OARD1: variants seen among roughly 807,000 people sequenced by gnomAD.
The protein encoded by OARD1 is ADP-ribose glycohydrolase OARD1.
A neutral mutation model predicts 19.7 loss-of-function variants in OARD1; 19 were observed. That is an observed-to-expected ratio of 0.96 (90% confidence interval 0.67 to 1.41). OARD1 has a LOEUF of 1.41. Ranked by LOEUF, OARD1 falls within the 40% of genes most tolerant of loss-of-function variation. The probability of loss-of-function intolerance (pLI) is 0.00; values close to 1 mark genes in which losing one functional copy is unlikely to be tolerated. For missense variants in OARD1, 190 were observed against 183.8 expected, an observed-to-expected ratio of 1.03 and a Z score of -0.20; for synonymous variants, 70 against 61.8, an observed-to-expected ratio of 1.13 and a Z score of -0.62.
chr6:41,083,176 C>T (rs2113799196), intron 1 of OARD1, among the ~76,000 whole-genome samples: 1 of 152,262 alleles, frequency 6.6e-6, no homozygotes, highest in South Asian at 2.1e-4. Flanking sequence ...TTCCAGAAAG[C>T]ATTCTATTAG....
chr6:41,090,173 G>A (rs2113812720), intron 1 of OARD1: 1 of 1,417,122 alleles, frequency 7.1e-7, no homozygotes, highest in South Asian at 1.2e-5. Flanking sequence ...TTTGGGATCT[G>A]TTGAATTGTG....
intron 4 of OARD1, chr6:41,069,851 C>T: frequency 3.3e-6 from 2 of 597,400 alleles, no homozygotes; most frequent in Non-Finnish European, 3.0e-6. Flanking sequence ...CACGACTTTC[C>T]CACAGAGCTG....
At position 41,071,595 on chromosome 6, in the gene OARD1, C is replaced by T; in HGVS notation, c.39+1G>A. 2.5e-6 allele frequency: 4 copies of T among 1,612,352 alleles called. No individual in the cohort carries two copies. Among genetic ancestry groups the T allele is most frequent in the Non-Finnish European group, 3.4e-6 (4 of 1,178,314 alleles). Reference sequence around the variant, plus strand: ...CCAATAAGTCAATAGTTGTTACGCACTCTGCTTCCTTCTGGATCTTCATTA... The same window carrying T: ...CCAATAAGTCAATAGTTGTTACGCATTCTGCTTCCTTCTGGATCTTCATTA... On this transcript the variant is annotated splice_donor_variant, in intron 2 of 5. Coordinates refer to ENST00000424266, the MANE Select transcript of OARD1 (RefSeq NM_001329686.2). LOFTEE classifies it high-confidence loss of function.
intron 1 of OARD1, chr6:41,079,018 C>T: frequency 7.2e-7 from 1 of 1,387,906 alleles, no homozygotes; most frequent in Non-Finnish European, 1.0e-6. Context: ...CTTTCCCCAC[C>T]TTTCTAACAG....
chr6:41,070,120 C>T lies in OARD1; in HGVS notation c.199G>A (p.Glu67Lys), dbSNP rs780238682. The T allele has an allele frequency of 1.9e-6, 3 of 1,574,170 alleles. No individual in the cohort carries two copies. Among genetic ancestry groups the T allele is most frequent in the Non-Finnish European group, 2.6e-6 (3 of 1,148,722 alleles). ...CCATCTCTCTTCAGAACAGCCACTT[C>T]TCCAGATTTCTTTTCTAAGAAAAAG... is the stretch of plus-strand genomic sequence containing the variant. ...ELLNQQKKSG[E>K]VAVLKRDGRY... The change falls in exon 4 of 6, where the codon GAA (glutamate) becomes AAA (lysine). Residue 67 changes from glutamate (E) to lysine (K), a missense_variant. Glu to Lys is a moderately conservative substitution (Grantham distance 56, BLOSUM62 1). Coordinates refer to ENST00000424266, the MANE Select transcript of OARD1 (RefSeq NM_001329686.2).
chr6:41,096,229 G>C (rs1764352420), intron 1 of OARD1, among the ~76,000 whole-genome samples: 1 of 152,074 alleles, frequency 6.6e-6, no homozygotes, highest in Non-Finnish European at 1.5e-5. Context: ...ATCAAACTAG[G>C]TTTCCTCAGT....
chr6:41,094,450 G>A, intron 1 of OARD1: 1 of 1,614,206 alleles, frequency 6.2e-7, no homozygotes. Flanking sequence ...GCGTGGTGAA[G>A]GTGGACGATT....
chr6:41,070,973 A>G, intron 3 of OARD1, 159 bp downstream of exon 3: 1 of 710,398 alleles, frequency 1.4e-6, no homozygotes, highest in Non-Finnish European at 2.4e-6. Flanking sequence ...GGGTTTTGAT[A>G]TGGTAAACGT....
intron 1 of OARD1, among the ~76,000 whole-genome samples, chr6:41,083,513 G>A (rs1763964166): frequency 6.6e-6 from 1 of 152,202 alleles, no homozygotes; most frequent in Non-Finnish European, 1.5e-5. Flanking sequence ...TTTAGCTTGA[G>A]AGACTGTAGG....
intron 1 of OARD1, chr6:41,089,528 G>T (rs766624002): frequency 6.7e-7 from 1 of 1,497,288 alleles, no homozygotes; most frequent in Non-Finnish European, 8.9e-7. Context: ...GGGGACCAAA[G>T]GAGACCAGTG....
chr6:41,079,251 T>A, intron 1 of OARD1: 1 of 1,236,882 alleles, frequency 8.1e-7, no homozygotes, highest in Non-Finnish European at 1.2e-6. Context: ...CCTGGGGAAT[T>A]ATTTGAAAGA....
intron 1 of OARD1, chr6:41,080,791 CTTCCTG>C (rs1349306918): frequency 2.5e-6 from 4 of 1,605,250 alleles, no homozygotes; most frequent in Non-Finnish European, 3.4e-6. Context: ...ATTTCAAGCT[CTTCCTG>C]TTCCTGTTCT....
In OARD1 at chr6:41,065,818, T is replaced by C. The variant is rs1388420947; in HGVS notation, c.*1517A>G. 2 of 152,242 alleles carry C rather than the reference T, an allele frequency of 1.3e-5. No individual in the cohort carries two copies. Among genetic ancestry groups the C allele is most frequent in the African/African-American group, 4.8e-5 (2 of 41,466 alleles). 9.4% of individuals were successfully genotyped at this position (152,242 alleles called of 1,614,324 possible). Reference sequence around the variant, plus strand: ...CTAAAATACAGTTGTTCTTTTATACTTGGGAAAGCAGCAAGTCCTGTGACA... The same window carrying C: ...CTAAAATACAGTTGTTCTTTTATACCTGGGAAAGCAGCAAGTCCTGTGACA... On this transcript the variant is annotated 3_prime_UTR_variant, in exon 6 of 6. Coordinates refer to ENST00000424266, the MANE Select transcript of OARD1 (RefSeq NM_001329686.2).
rs371664395 is a variant in OARD1 at position 41,080,928 on chromosome 6, T to C, written c.-41-9253A>G. The C allele has an allele frequency of 3.9e-6, 6 of 1,544,728 alleles. No individual in the cohort carries two copies. In the African/African-American group the frequency reaches 8.2e-5, roughly 21 times the overall value. On this transcript the variant is annotated intron_variant, in intron 1 of 4. Transcript: ENST00000480585. The stretch of plus-strand genomic sequence containing the variant: ...ACCCTCTCTGATTCTCTGTGAGCAC[T>C]GCATGAACTTCTCCTCTCCTCATGT...
intron 1 of OARD1, chr6:41,090,083 C>G (rs752135005): frequency 7.6e-6 from 5 of 659,684 alleles, no homozygotes; most frequent in Non-Finnish European, 1.3e-5. Context: ...GCACTGCACT[C>G]CAGCCTGGCG....
At chr6:41,078,893 C>T (rs1431214933) in intron 1 of OARD1, 1 of 508,672 alleles carries the variant, frequency 2.0e-6, no homozygotes, top group East Asian at 2.9e-5. Context: ...AAAAATGATA[C>T]TGAATATAAG....
At position 41,070,995 on chromosome 6, in the gene OARD1, G is replaced by A. The variant is rs968824325; in HGVS notation, c.184+137C>T. The A allele has an allele frequency of 1.3e-5, 11 of 861,264 alleles. No individual in the cohort carries two copies. In the African/African-American group the frequency reaches 1.4e-4, roughly 11 times the overall value. 53.4% of individuals were successfully genotyped at this position (861,264 alleles called of 1,614,324 possible). ...GATATGGTAAACGTCTAAACTAGAGGCCATTCTTGGGGAGGAAAATCTTAA... is the reference window on the plus strand; with the variant it reads ...GATATGGTAAACGTCTAAACTAGAGACCATTCTTGGGGAGGAAAATCTTAA... On this transcript the variant is annotated intron_variant, in intron 3 of 5. Coordinates refer to ENST00000424266, the MANE Select transcript of OARD1 (RefSeq NM_001329686.2).
At chr6:41,074,965 A>G (rs576012632), upstream of OARD1, among the ~76,000 whole-genome samples, 4 of 152,322 alleles carry the variant, frequency 2.6e-5, no homozygotes, top group South Asian at 8.3e-4. Context: ...CTAAATTCAC[A>G]TTTAATGTTA....
chr6:41,091,068 G>C (rs1329588077), intron 1 of OARD1, among the ~76,000 whole-genome samples: 1 of 152,198 alleles, frequency 6.6e-6, no homozygotes, highest in African/African-American at 2.4e-5. Flanking sequence ...AAATCCTCAA[G>C]TGCTGCTATT....
Sources: gnomAD v4.1 joint callset for allele counts (sites outside exome capture counted in the v4.1 genomes callset) on GRCh38, gnomAD v4.1.1 for gene constraint, MANE v1.5 for transcripts, NCBI Gene and HGNC (gene_info 2026-07-23, HGNC 2026-07-21) for gene names.